GLRA2: variants seen among roughly 807,000 people sequenced by gnomAD.
GLRA2 encodes glycine receptor subunit alpha-2.
GLRA2 carries 11 observed loss-of-function variants against 31.6 expected under a neutral mutation model. That is an observed-to-expected ratio of 0.35 (90% CI 0.22 to 0.58). GLRA2 has a LOEUF of 0.58. Among genes scored for constraint, GLRA2 ranks in the 20% least tolerant of loss-of-function variants. The probability of loss-of-function intolerance (pLI) is 0.84; values close to 1 mark genes in which losing one functional copy is unlikely to be tolerated. For missense variants in GLRA2, 212 were observed against 351.8 expected (o/e 0.60, Z 3.18); for synonymous variants, 132 against 134.0 (o/e 0.99, Z 0.10).
chrX:14,455,555 T>G, the GLRA2 span, among the ~76,000 whole-genome samples: 1 of 111,843 alleles, frequency 8.9e-6, no homozygotes, highest in Non-Finnish European at 1.9e-5. Flanking sequence ...AAGCATTTCT[T>G]GTTGCCCCAA....
intron 7 of GLRA2, among the ~76,000 whole-genome samples, chrX:14,661,171 T>G (rs1386296847): frequency 8.9e-6 from 1 of 112,321 alleles, no homozygotes; most frequent in Non-Finnish European, 1.9e-5. Flanking sequence ...TTATGCACTT[T>G]GAGACAAGAA....
At chrX:14,659,426 C>T (rs1238980006) in intron 7 of GLRA2, among the ~76,000 whole-genome samples, 1 of 111,198 alleles carries the variant, frequency 9.0e-6, no homozygotes, top group Non-Finnish European at 1.9e-5. Flanking sequence ...TTTATTTGAA[C>T]TACTTATAGG....
At chrX:14,647,611 A>G (rs2090845032) in intron 7 of GLRA2, among the ~76,000 whole-genome samples, 1 of 112,299 alleles carries the variant, frequency 8.9e-6, no homozygotes, top group Non-Finnish European at 1.9e-5. Context: ...AAAAATGGTG[A>G]GAAGCTAAGG....
intron 2 of GLRA2, among the ~76,000 whole-genome samples, chrX:14,547,982 C>A (rs2089503726): frequency 8.9e-6 from 1 of 112,060 alleles, no homozygotes; most frequent in African/African-American, 3.2e-5. Context: ...ATTGATAACA[C>A]TAATCCTTAA....
At chrX:14,510,095 A>G in the GLRA2 span, among the ~76,000 whole-genome samples, 1 of 111,520 alleles carries the variant, frequency 9.0e-6, no homozygotes, top group African/African-American at 3.3e-5. Context: ...TATTAAAGGG[A>G]CTGTATATAA....
chrX:14,719,018 T>A (rs1287553496), intron 8 of GLRA2, among the ~76,000 whole-genome samples: 1 of 111,589 alleles, frequency 9.0e-6, no homozygotes, highest in African/African-American at 3.3e-5. Flanking sequence ...CTTTGACAAA[T>A]ACATTTTGCC....
chrX:14,537,320 G>A (rs868357361), intron 2 of GLRA2, among the ~76,000 whole-genome samples: 2 of 111,159 alleles, frequency 1.8e-5, no homozygotes, highest in Non-Finnish European at 3.8e-5. Flanking sequence ...CAGGGAGATG[G>A]GTAGGAAGAA....
intron 2 of GLRA2, among the ~76,000 whole-genome samples, chrX:14,550,858 A>AGT (rs1218377870): frequency 1.8e-5 from 2 of 112,039 alleles, no homozygotes; most frequent in Non-Finnish European, 3.8e-5. Flanking sequence ...AAAGGGACTT[A>AGT]GTGTCCAAGT....
the GLRA2 span, among the ~76,000 whole-genome samples, chrX:14,458,569 T>A: frequency 9.7e-4 from 109 of 112,394 alleles, no homozygotes; most frequent in African/African-American, 3.4e-3. Context: ...CCATTCTAAC[T>A]GGTGCGAGAT....
intron 3 of GLRA2, among the ~76,000 whole-genome samples, chrX:14,578,650 CTTTTCTT>C (rs1013618966): frequency 1.3e-4 from 14 of 111,597 alleles, no homozygotes; most frequent in African/African-American, 4.6e-4. Context: ...TTATTTTTCT[CTTTTCTT>C]TAGTTTCTGA....
In GLRA2 at chrX:14,529,815, T is replaced by G. The variant is rs1020334877; in HGVS notation, c.-243T>G. ...AAAAGCAGCTGGGGGATTCATCAGT[T>G]CTGAGGCTTTGTCTTTCTGGGTTAA... On this transcript the variant is annotated 5_prime_UTR_variant, in exon 1 of 9. Coordinates refer to ENST00000218075, the MANE Select transcript of GLRA2 (RefSeq NM_002063.4). 25 of 418,196 alleles carry G rather than the reference T, an allele frequency of 6.0e-5. No individual in the cohort carries two copies. Among genetic ancestry groups the G allele is most frequent in the Admixed American group, 5.6e-4 (13 of 23,190 alleles). 34.5% of individuals were successfully genotyped at this position (418,196 alleles called of 1,213,427 possible).
At chrX:14,651,718 T>C (rs1901699048) in intron 7 of GLRA2, among the ~76,000 whole-genome samples, 1 of 111,896 alleles carries the variant, frequency 8.9e-6, no homozygotes, top group African/African-American at 3.2e-5. Context: ...CAACACATTT[T>C]GCAGAATGTA....
At chrX:14,500,956 A>G in the GLRA2 span, among the ~76,000 whole-genome samples, 1 of 111,073 alleles carries the variant, frequency 9.0e-6, no homozygotes, top group African/African-American at 3.3e-5. Flanking sequence ...AAATAAATAC[A>G]CTTAATATCA....
At chrX:14,692,366 T>C (rs2091373693) in intron 8 of GLRA2, among the ~76,000 whole-genome samples, 1 of 112,423 alleles carries the variant, frequency 8.9e-6, no homozygotes, top group African/African-American at 3.2e-5. Context: ...TCAGGATCAC[T>C]TGTGCCACCT....
chrX:14,575,011 T>TAC (rs764620233), intron 3 of GLRA2, among the ~76,000 whole-genome samples: 21 of 106,535 alleles, frequency 2.0e-4, no homozygotes, highest in East Asian at 8.8e-4. Context: ...ATTAGAAAAA[T>TAC]ACACACACAC....
intron 2 of GLRA2, among the ~76,000 whole-genome samples, chrX:14,560,797 CAAAAAAAA>C (rs760583127): frequency 1.8e-3 from 75 of 41,237 alleles, no homozygotes; most frequent in African/African-American, 3.1e-3. Flanking sequence ...GACCCTGTCT[CAAAAAAAA>C]AAAAAAAAAA....
chrX:14,458,525 C>T, the GLRA2 span, among the ~76,000 whole-genome samples: 2 of 112,141 alleles, frequency 1.8e-5, no homozygotes, highest in Non-Finnish European at 3.8e-5. Context: ...ACATCCTCTC[C>T]AGCACCTGTT....
At chrX:14,724,626 CAAAAAAAAAAAA>C (rs758722703) in intron 8 of GLRA2, among the ~76,000 whole-genome samples, 1 of 49,615 alleles carries the variant, frequency 2.0e-5, no homozygotes, top group Non-Finnish European at 3.3e-5. Context: ...AACTCTGTCT[CAAAAAAAAAAAA>C]AAAAAAAAAA....
intron 7 of GLRA2, among the ~76,000 whole-genome samples, chrX:14,668,442 C>T (rs1212626267): frequency 1.8e-5 from 2 of 112,196 alleles, no homozygotes; most frequent in East Asian, 5.6e-4. Flanking sequence ...GCCTACCACA[C>T]ACTATTTTAA....
Sources: gnomAD v4.1 joint callset for allele counts (sites outside exome capture counted in the v4.1 genomes callset) on GRCh38, gnomAD v4.1.1 for gene constraint, MANE v1.5 for transcripts, NCBI Gene and HGNC (gene_info 2026-07-23, HGNC 2026-07-21) for gene names.